The following TNNI3K variants were observed in gnomAD, a reference collection of about 807,000 sequenced individuals.
TNNI3K encodes serine/threonine-protein kinase TNNI3K.
Under a neutral mutation model 114.5 loss-of-function variants are expected in TNNI3K, and 140 were observed. The ratio of observed to expected loss-of-function variants is 1.22; its 90% CI spans 1.07 to 1.41. The LOEUF is 1.41. Ranked by LOEUF, TNNI3K falls within the 40% of genes most tolerant of loss-of-function variation. The probability of loss-of-function intolerance (pLI) is 0.00; values close to 1 mark genes in which losing one functional copy is unlikely to be tolerated. For synonymous variants in TNNI3K, 347 were observed against 347.5 expected, an observed-to-expected ratio of 1.00 and a Z score of 0.02; for missense variants, 1,125 against 1,007.6, an observed-to-expected ratio of 1.12 and a Z score of -1.58.
chr1:74,316,855 AATT>A (rs1478420464), intron 5 of TNNI3K, among the ~76,000 whole-genome samples: 766 of 10,396 alleles, frequency 0.074, 19 homozygotes, highest in Admixed American at 0.36. Context: ...ACGCCCAGCT[AATT>A]TTTTTTTTTT....
intron 5 of TNNI3K, among the ~76,000 whole-genome samples, chr1:74,306,053 C>G (rs550386767): frequency 6.6e-6 from 1 of 152,226 alleles, no homozygotes; most frequent in South Asian, 2.1e-4. Context: ...CTATTTCCAT[C>G]TTTATATCTG....
intron 4 of TNNI3K, among the ~76,000 whole-genome samples, chr1:74,267,808 C>A (rs1656092405): frequency 6.6e-6 from 1 of 151,806 alleles, no homozygotes; most frequent in Non-Finnish European, 1.5e-5. Context: ...TTTGACCTTA[C>A]CATTTGCCCA....
rs571497996 is a variant in TNNI3K at position 74,483,766 on chromosome 1, G to A, written c.2122-5423G>A. Among the ~76,000 whole-genome samples, 29 of 152,204 alleles carry A rather than the reference G, an allele frequency of 1.9e-4. No homozygotes were observed. In the South Asian group the frequency reaches 4.4e-3, roughly 23 times the overall value. On this transcript the variant is annotated intron_variant, in intron 21 of 24. Coordinates refer to ENST00000326637, the MANE Select transcript of TNNI3K (RefSeq NM_015978.3). ...AGCAAACCATCCTAAATCACATAGC[G>A]GGTAGGTATTTAACCAAGTCTTTTA...
At chr1:74,464,649 A>G (rs1667590215) in intron 21 of TNNI3K, 1 of 1,591,210 alleles carries the variant, frequency 6.3e-7, no homozygotes, top group Non-Finnish European at 8.6e-7. Context: ...AATCCAGACC[A>G]AGTCATTACC....
intron 21 of TNNI3K, chr1:74,483,470 C>T: frequency 3.3e-6 from 2 of 608,536 alleles, no homozygotes; most frequent in Admixed American, 4.8e-5. Context: ...TTGGTAATTT[C>T]TACTGTTCAA....
intron 17 of TNNI3K, among the ~76,000 whole-genome samples, chr1:74,395,895 C>T (rs536204178): frequency 1.2e-4 from 19 of 152,140 alleles, no homozygotes; most frequent in Middle Eastern, 3.4e-3. Flanking sequence ...TTATCTGGCC[C>T]AAAGAGCCCA....
intron 17 of TNNI3K, among the ~76,000 whole-genome samples, chr1:74,402,381 A>C (rs897822242): frequency 6.6e-6 from 1 of 152,212 alleles, no homozygotes; most frequent in African/African-American, 2.4e-5. Flanking sequence ...ATCTACCTCC[A>C]AAACCCACTG....
At chr1:74,532,195 T>C (rs1373098975) in intron 23 of TNNI3K, among the ~76,000 whole-genome samples, 1 of 152,228 alleles carries the variant, frequency 6.6e-6, no homozygotes, top group Admixed American at 6.5e-5. Flanking sequence ...AGTGCATGTG[T>C]ATCTCATGTT....
Position 74,367,956 on chromosome 1 carries a change from T to C in TNNI3K, c.1313T>C (p.Met438Thr). Residue 438 changes from methionine to threonine, a missense_variant, in exon 13 of 25, where the codon ATG (methionine) becomes ACG (threonine). Transcript: ENST00000326637. ...VPSPLGKIKSMTKEKADILLL... is the reference protein window; with the variant it reads ...VPSPLGKIKSTTKEKADILLL... Reference sequence around the variant, plus strand: ...TCACCCTTGGGGAAGATTAAAAGCATGACAAAAGGTACCTATAATCTGGGA... The same window carrying C: ...TCACCCTTGGGGAAGATTAAAAGCACGACAAAAGGTACCTATAATCTGGGA... 1 of 1,565,950 alleles carries C rather than the reference T, an allele frequency of 6.4e-7. No individual in the cohort carries two copies. Among genetic ancestry groups the C allele is most frequent in the Non-Finnish European group, 8.6e-7 (1 of 1,161,518 alleles).
At chr1:74,493,626 C>T (rs1300794896) in intron 23 of TNNI3K, among the ~76,000 whole-genome samples, 2 of 152,174 alleles carry the variant, frequency 1.3e-5, no homozygotes, top group African/African-American at 2.4e-5. Flanking sequence ...TTATTTCTTG[C>T]TCACTTGTTT....
Position 74,543,917 on chromosome 1 carries a change from G to A in TNNI3K, c.2443G>A (p.Asp815Asn), listed in dbSNP as rs997191933. ...CTTTTCTGATGCAGGCTATGTATCC[G>A]ATCCCATGAGCTCAATGCATTTTCA... is the stretch of plus-strand genomic sequence containing the variant. ...TPIDKYGYVS[D>N]PMSSMHFHSC... The change falls in exon 25 of 25, where the codon GAT (aspartate) becomes AAT (asparagine). Residue 815 changes from aspartate (D) to asparagine (N), a missense_variant. Transcript: ENST00000326637. The A allele has an allele frequency of 3.7e-6, 6 of 1,613,230 alleles. No individual in the cohort carries two copies. Among genetic ancestry groups the A allele is most frequent in the East Asian group, 2.2e-5 (1 of 44,840 alleles).
At chr1:74,485,095 A>C (rs927353281) in intron 21 of TNNI3K, among the ~76,000 whole-genome samples, 1 of 152,206 alleles carries the variant, frequency 6.6e-6, no homozygotes, top group African/African-American at 2.4e-5. Flanking sequence ...CCATTGTATC[A>C]AAGAACTTTC....
At chr1:74,519,499 A>G (rs1646400076) in intron 23 of TNNI3K, among the ~76,000 whole-genome samples, 1 of 125,572 alleles carries the variant, frequency 8.0e-6, no homozygotes, top group Admixed American at 7.3e-5. Context: ...AGTCCCACCA[A>G]CAGTGTAAAA....
chr1:74,297,522 CGTGTGTGTGT>C (rs10633137), intron 5 of TNNI3K, among the ~76,000 whole-genome samples: 5 of 145,460 alleles, frequency 3.4e-5, no homozygotes, highest in South Asian at 4.5e-4. Flanking sequence ...TGTGTGTGTG[CGTGTGTGTGT>C]GTGTGTGTGT....
intron 17 of TNNI3K, among the ~76,000 whole-genome samples, chr1:74,415,587 A>G (rs894332634): frequency 1.3e-5 from 2 of 152,054 alleles, no homozygotes. Flanking sequence ...ATTTGTCTCT[A>G]ATAGAATCAC....
chr1:74,455,245 A>G (rs1174044871), intron 20 of TNNI3K, among the ~76,000 whole-genome samples: 1 of 152,206 alleles, frequency 6.6e-6, no homozygotes, highest in Non-Finnish European at 1.5e-5. Context: ...AACAGATGAT[A>G]CCTGAATGCA....
chr1:74,451,695 C>CTTTTCTTTTCTTTTCTTTTCT (rs34653118), intron 20 of TNNI3K, among the ~76,000 whole-genome samples: 2 of 27,184 alleles, frequency 7.4e-5, no homozygotes, highest in African/African-American at 2.0e-4. Context: ...TTCTTTCTTT[C>CTTTTCTTTTCTTTTCTTTTCT]TTTCTTTCTT....
chr1:74,352,548 T>C (rs997354039), intron 9 of TNNI3K, among the ~76,000 whole-genome samples: 11 of 152,240 alleles, frequency 7.2e-5, no homozygotes, highest in Non-Finnish European at 1.5e-5. Flanking sequence ...TTTGTTTGTC[T>C]GTGCCGTGCC....
chr1:74,506,838 T>C (rs1364012696), intron 23 of TNNI3K, among the ~76,000 whole-genome samples: 3 of 152,220 alleles, frequency 2.0e-5, no homozygotes, highest in South Asian at 2.1e-4. Context: ...CCTATGAGCA[T>C]TCCTAATCTC....
Sources: allele counts gnomAD v4.1 joint callset (sites outside exome capture counted in the v4.1 genomes callset), GRCh38; gene constraint gnomAD v4.1.1; transcripts MANE v1.5; gene names NCBI Gene and HGNC (gene_info 2026-07-23, HGNC 2026-07-21).